The following BMP8A variants were observed in gnomAD, a reference collection of about 807,000 sequenced individuals.
BMP8A encodes BMP-8A.
A neutral mutation model predicts 36.8 loss-of-function variants in BMP8A; 14 were observed. The ratio of observed to expected loss-of-function variants is 0.38; its 90% confidence interval spans 0.25 to 0.60. BMP8A has a LOEUF of 0.60. Among genes scored for constraint, BMP8A ranks in the 20% least tolerant of loss-of-function variants. The pLI is 0.63. For missense variants in BMP8A, 267 were observed against 551.1 expected (o/e 0.48, Z 5.16); for synonymous variants, 120 against 237.7 (o/e 0.50, Z 4.55).
At chr1:39,514,768 A>G (rs1252772676) in intron 3 of BMP8A, among the ~76,000 whole-genome samples, 1 of 152,190 alleles carries the variant, frequency 6.6e-6, no homozygotes, top group Non-Finnish European at 1.5e-5. Context: ...CGGGGCCCCC[A>G]GCCCAGGGCG....
chr1:39,507,304 T>G lies in BMP8A; in HGVS notation c.335-3870T>G, dbSNP rs573581163. Among the ~76,000 whole-genome samples, 17 of 152,318 alleles carry G rather than the reference T, an allele frequency of 1.1e-4. No homozygotes were observed. The East Asian group carries it at 3.3e-3, about 29-fold the overall frequency. On this transcript the variant is annotated intron_variant, in intron 1 of 6. Coordinates refer to ENST00000331593, the MANE Select transcript of BMP8A (RefSeq NM_181809.4). ...CTTACAACTGGCAGCAGAATTTTAC[T>G]GGGAAAACCCAAGAAATCACATTGT...
chr1:39,505,234 C>T (rs1192149077), intron 1 of BMP8A, among the ~76,000 whole-genome samples: 2 of 152,128 alleles, frequency 1.3e-5, no homozygotes, highest in Non-Finnish European at 2.9e-5. Flanking sequence ...TGTCTCAGTG[C>T]GGGGAGACCT....
At chr1:39,517,528 T>C (rs1645402604) in intron 3 of BMP8A, among the ~76,000 whole-genome samples, 1 of 152,108 alleles carries the variant, frequency 6.6e-6, no homozygotes, top group South Asian at 2.1e-4. Context: ...TTTCTCCATA[T>C]TGGCCAGGCT....
rs958901670 is a variant in BMP8A, at chr1:39,528,820, C to T, written c.*3022C>T. Among the ~76,000 whole-genome samples, 2 of 151,902 alleles carry T rather than the reference C, an allele frequency of 1.3e-5. No individual in the cohort carries two copies. The highest frequency in any genetic ancestry group is 2.9e-5 in the Non-Finnish European group (2 of 67,928). On this transcript the variant is annotated 3_prime_UTR_variant, in exon 7 of 7. Transcript: ENST00000331593. ...CTGGGCTCAAGCAATCCTCCCACTT[C>T]AGCCCGAGTTGCTGGGATGACAGGC...
At chr1:39,493,037 G>A (rs1209547124) in intron 1 of BMP8A, among the ~76,000 whole-genome samples, 1 of 152,216 alleles carries the variant, frequency 6.6e-6, no homozygotes. Context: ...AAACCCTGGA[G>A]CTATTTATTC....
chr1:39,491,842 C>A lies in BMP8A; in HGVS notation c.-150C>A. ...CCGGGGCAGGTGCGCGCGGGGGGCGCTCCAGGGACCGCGCTGAGGCCGCAG... is the reference window on the plus strand; with the variant it reads ...CCGGGGCAGGTGCGCGCGGGGGGCGATCCAGGGACCGCGCTGAGGCCGCAG... On this transcript the variant is annotated 5_prime_UTR_variant, in exon 1 of 7. Coordinates refer to ENST00000331593, the MANE Select transcript of BMP8A (RefSeq NM_181809.4). 1 of 661,022 alleles carries A rather than the reference C, an allele frequency of 1.5e-6. No homozygotes were observed. The highest frequency in any genetic ancestry group is 1.9e-6 in the Non-Finnish European group (1 of 525,674). The allele number at this position is 661,022 out of a possible 1,614,324, so 40.9% of individuals were successfully genotyped here.
At chr1:39,515,999 G>T in intron 3 of BMP8A, 3 of 1,288,502 alleles carry the variant, frequency 2.3e-6, no homozygotes, top group Admixed American at 4.8e-5. Context: ...CACGGAAGAT[G>T]AGGTGGATGC....
intron 1 of BMP8A, among the ~76,000 whole-genome samples, chr1:39,507,229 C>A (rs548734709): frequency 6.6e-6 from 1 of 152,212 alleles, no homozygotes; most frequent in Non-Finnish European, 1.5e-5. Flanking sequence ...CCTCATGGGC[C>A]CCCCAGCCTA....
chr1:39,499,335 G>A (rs1222861834), intron 1 of BMP8A, among the ~76,000 whole-genome samples: 1 of 152,250 alleles, frequency 6.6e-6, no homozygotes, highest in Non-Finnish European at 1.5e-5. Context: ...CGCAGGGAGG[G>A]CCCTGGGACA....
chr1:39,492,380 G>T (rs3954098), intron 1 of BMP8A, 55 bp downstream of exon 1: 161 of 1,433,796 alleles, frequency 1.1e-4, no homozygotes, highest in East Asian at 3.1e-4. Flanking sequence ...GCAGGGGAGG[G>T]GCGCGCATCC....
intron 1 of BMP8A, among the ~76,000 whole-genome samples, chr1:39,500,479 C>A (rs1645243590): frequency 1.3e-5 from 2 of 152,068 alleles, no homozygotes; most frequent in Non-Finnish European, 2.9e-5. Flanking sequence ...AGTTATCTGG[C>A]CAAAATGTCA....
At chr1:39,518,095 TTG>T (rs71844778) in intron 3 of BMP8A, among the ~76,000 whole-genome samples, 6,081 of 151,256 alleles carry the variant, frequency 0.04, 413 homozygotes, top group African/African-American at 0.14. Context: ...AAAATTAAGA[TTG>T]TGTGTGTGTG....
intron 1 of BMP8A, among the ~76,000 whole-genome samples, chr1:39,502,348 G>A (rs1014422363): frequency 6.6e-6 from 1 of 152,092 alleles, no homozygotes; most frequent in South Asian, 2.1e-4. Context: ...ATACAGATGT[G>A]TGTTTTTGCA....
At chr1:39,494,749 C>T (rs1273514229) in intron 1 of BMP8A, among the ~76,000 whole-genome samples, 5 of 152,144 alleles carry the variant, frequency 3.3e-5, no homozygotes, top group Non-Finnish European at 5.9e-5. Context: ...ATTAAATGGC[C>T]AGCCCAGGGC....
chr1:39,519,848 A>G (rs972489202), intron 3 of BMP8A, among the ~76,000 whole-genome samples: 1 of 135,570 alleles, frequency 7.4e-6, no homozygotes, highest in Non-Finnish European at 1.6e-5. Context: ...ATCTGTGCTT[A>G]TAACATGGAG....
rs78305902 is a variant in BMP8A at position 39,524,856 on chromosome 1, G to A, written c.1060-793G>A. Reference sequence around the variant, plus strand: ...GTCACCTGGCAGGTGATGGCAGCTCGACTGGGCAGGTGGTCCGAGGCAGCA... The same window carrying A: ...GTCACCTGGCAGGTGATGGCAGCTCAACTGGGCAGGTGGTCCGAGGCAGCA... On this transcript the variant is annotated intron_variant, in intron 6 of 6. Transcript: ENST00000331593. The surrounding 1 kb of genome is among the most constrained non-coding windows in gnomAD (Gnocchi z 4.0). 8,937 of 152,564 alleles carry A rather than the reference G, an allele frequency of 0.059. 361 individuals carry two copies. Among genetic ancestry groups the A allele is most frequent in the Non-Finnish European group, 0.083 (5,639 of 68,254 alleles). The allele number at this position is 152,564 out of a possible 1,614,324, so 9.5% of individuals were successfully genotyped here.
At position 39,523,001 on chromosome 1, in the gene BMP8A, C is replaced by T. The variant is rs1645443758; in HGVS notation, c.949-6C>T. On this transcript the variant is annotated splice_region_variant and splice_polypyrimidine_tract_variant and intron_variant, in intron 5 of 6. Coordinates refer to ENST00000331593, the MANE Select transcript of BMP8A (RefSeq NM_181809.4). ...GATGGGACTCACCTTCTCCCTTGCC[C>T]CCCAGGACTGGGTCATCGCCCCCCA... 6.2e-7 allele frequency: 1 copy of T among 1,602,830 alleles called. No individual in the cohort carries two copies.
intron 6 of BMP8A, 86 bp from the exon 7 acceptor site, chr1:39,525,563 A>G: frequency 6.5e-7 from 1 of 1,527,964 alleles, no homozygotes; most frequent in Non-Finnish European, 8.8e-7. Context: ...CAGGGCAGGG[A>G]GCAGGTGGAG....
At chr1:39,509,487 G>A (rs571481928) in intron 1 of BMP8A, among the ~76,000 whole-genome samples, 9 of 152,286 alleles carry the variant, frequency 5.9e-5, no homozygotes, top group South Asian at 2.1e-4. Flanking sequence ...TGAGCAGCCC[G>A]GCTCTCAGGC....
Sources: allele counts gnomAD v4.1 joint callset (sites outside exome capture counted in the v4.1 genomes callset), GRCh38; gene constraint gnomAD v4.1.1; non-coding constraint Gnocchi (gnomAD v3.1); transcripts MANE v1.5; gene names NCBI Gene and HGNC (gene_info 2026-07-23, HGNC 2026-07-21).